Variants in PPM1L observed in about 807,000 individuals in gnomAD.
PPM1L encodes protein phosphatase 1L.
A neutral mutation model predicts 31.4 loss-of-function variants in PPM1L; 13 were observed. The observed-to-expected ratio is 0.41, with a 90% confidence interval of 0.27 to 0.66. The LOEUF is 0.66. Ranked by LOEUF, PPM1L falls within the 30% of genes least tolerant of loss-of-function variation. The probability of loss-of-function intolerance (pLI) is 0.29; values close to 1 mark genes in which losing one functional copy is unlikely to be tolerated. For missense variants in PPM1L, 326 were observed against 453.7 expected, an observed-to-expected ratio of 0.72 and a Z score of 2.56; for synonymous variants, 184 against 175.4, an observed-to-expected ratio of 1.05 and a Z score of -0.39.
chr3:160,904,512 T>A (rs543274372), intron 1 of PPM1L, among the ~76,000 whole-genome samples: 5 of 152,296 alleles, frequency 3.3e-5, no homozygotes, highest in African/African-American at 1.2e-4. Flanking sequence ...AATTTGAATG[T>A]CCAAGTGTGG....
rs1719821090 is a variant in PPM1L at position 161,068,791 on chromosome 3, G to C, written c.737-20G>C. On this transcript the variant is annotated intron_variant, in intron 3 of 3. Transcript: ENST00000498165. ...GAGATATCAGCTGGTCAAACTAATG[G>C]GCTCATCCTGTCTTTCTAGGTGGTT... 10 of 1,585,772 alleles carry C rather than the reference G, an allele frequency of 6.3e-6. No homozygotes were observed. The highest frequency in any genetic ancestry group is 6.9e-6 in the Non-Finnish European group (8 of 1,163,588).
intron 1 of PPM1L, among the ~76,000 whole-genome samples, chr3:160,824,369 G>C (rs574657640): frequency 1.3e-5 from 2 of 152,222 alleles, no homozygotes; most frequent in Admixed American, 6.5e-5. Context: ...CCTGCCTATG[G>C]TACTTTGTTA....
At chr3:160,982,107 A>T (rs568374016) in intron 2 of PPM1L, among the ~76,000 whole-genome samples, 3 of 152,240 alleles carry the variant, frequency 2.0e-5, no homozygotes, top group African/African-American at 7.2e-5. Context: ...CATTTCTTGG[A>T]AGTCCAAAGC....
Position 160,812,848 on chromosome 3 carries a change from G to T in PPM1L, c.399+56141G>T, listed in dbSNP as rs139219875. On this transcript the variant is annotated intron_variant, in intron 1 of 3. Coordinates refer to ENST00000498165, the MANE Select transcript of PPM1L (RefSeq NM_139245.4). ...GGTTCTACACCGCTAGTACATGGCT[G>T]CATTTAGCAGGAAAGTGAAGAAGCC... Among the ~76,000 whole-genome samples the T allele has an allele frequency of 2.7e-3, 414 of 152,324 alleles. 1 individual carries two copies. Among genetic ancestry groups the T allele is most frequent in the African/African-American group, 9.6e-3 (399 of 41,568 alleles).
At chr3:160,835,276 A>G (rs1209922313) in intron 1 of PPM1L, among the ~76,000 whole-genome samples, 1 of 148,358 alleles carries the variant, frequency 6.7e-6, no homozygotes, top group Admixed American at 6.9e-5. Context: ...AACGCATTGT[A>G]TAGTGGTCAG....
intron 1 of PPM1L, among the ~76,000 whole-genome samples, chr3:160,903,960 A>C (rs990588747): frequency 6.6e-6 from 1 of 152,072 alleles, no homozygotes; most frequent in Non-Finnish European, 1.5e-5. Flanking sequence ...CCTTCCATCC[A>C]TTTATCCATC....
intron 2 of PPM1L, among the ~76,000 whole-genome samples, chr3:161,008,020 C>G (rs1306292270): frequency 6.6e-6 from 1 of 152,178 alleles, no homozygotes; most frequent in East Asian, 1.9e-4. Flanking sequence ...TTCCTGCCCT[C>G]CTGGCTCTGG....
In PPM1L at chr3:160,948,574, G is replaced by T. The variant is rs146830695; in HGVS notation, c.400-13162G>T. ...TGGCCTGTTTTACGCAGCTTGCTGA[G>T]ATTTGCCTGATTGCCCACAAGCTGT... On this transcript the variant is annotated intron_variant, in intron 1 of 3. Transcript: ENST00000498165. Among the ~76,000 whole-genome samples the T allele has an allele frequency of 4.9e-3, 748 of 152,232 alleles. 5 individuals carry two copies. Among genetic ancestry groups the T allele is most frequent in the Middle Eastern group, 0.024 (7 of 294 alleles).
intron 1 of PPM1L, among the ~76,000 whole-genome samples, chr3:160,912,777 C>T (rs906394000): frequency 1.4e-4 from 21 of 152,088 alleles, no homozygotes; most frequent in African/African-American, 4.1e-4. Flanking sequence ...AAGTTTAGAG[C>T]ATTGCTATAG....
chr3:160,791,859 A>G (rs1250286521), intron 1 of PPM1L, among the ~76,000 whole-genome samples: 1 of 152,178 alleles, frequency 6.6e-6, no homozygotes, highest in Non-Finnish European at 1.5e-5. Context: ...CAGTCTAGGC[A>G]GAGGGACGCT....
intron 1 of PPM1L, among the ~76,000 whole-genome samples, chr3:160,779,715 A>G (rs1711682144): frequency 6.7e-6 from 1 of 150,236 alleles, no homozygotes. Flanking sequence ...TTTTTTTAGT[A>G]GAGACGGAGT....
chr3:160,866,761 A>G (rs1397930251), intron 1 of PPM1L, among the ~76,000 whole-genome samples: 1 of 152,358 alleles, frequency 6.6e-6, no homozygotes, highest in East Asian at 1.9e-4. Context: ...AGCAATGAAT[A>G]TGACATCTGA....
At chr3:160,994,424 C>G (rs183920988) in intron 2 of PPM1L, among the ~76,000 whole-genome samples, 1 of 152,298 alleles carries the variant, frequency 6.6e-6, no homozygotes, top group Admixed American at 6.5e-5. Context: ...CCCCAGTGAT[C>G]TTCACCTGGC....
At chr3:160,998,325 C>A (rs1163789983) in intron 2 of PPM1L, among the ~76,000 whole-genome samples, 1 of 152,186 alleles carries the variant, frequency 6.6e-6, no homozygotes, top group African/African-American at 2.4e-5. Flanking sequence ...CTGTGTCTCA[C>A]TAGTTGTTAA....
At chr3:160,890,545 A>G (rs117707492) in intron 1 of PPM1L, among the ~76,000 whole-genome samples, 3,597 of 152,358 alleles carry the variant, frequency 0.024, 78 homozygotes, top group Middle Eastern at 0.034. Flanking sequence ...GAAAATGGCC[A>G]TAGTGCCCAA....
At position 160,917,383 on chromosome 3, in the gene PPM1L, C is replaced by T. The variant is rs1047869262; in HGVS notation, c.400-44353C>T. 1.1e-3 allele frequency among the ~76,000 whole-genome samples: 160 copies of T among 151,128 alleles called. 2 individuals carry two copies. The highest frequency in any genetic ancestry group is 3.9e-3 in the African/African-American group (159 of 40,430). On this transcript the variant is annotated intron_variant, in intron 1 of 3. Transcript: ENST00000498165. Reference sequence around the variant, plus strand: ...TGACAGGTCAGTGAAAGTGTTTCAACTTTTAGAAATTGTTGACTTTCCAGG... The same window carrying T: ...TGACAGGTCAGTGAAAGTGTTTCAATTTTTAGAAATTGTTGACTTTCCAGG...
chr3:160,797,122 A>G (rs1160280146), intron 1 of PPM1L, among the ~76,000 whole-genome samples: 1 of 152,154 alleles, frequency 6.6e-6, no homozygotes, highest in Admixed American at 6.5e-5. Context: ...ATGTTGAGCA[A>G]GATTATTGGC....
intron 2 of PPM1L, among the ~76,000 whole-genome samples, chr3:160,976,063 A>G (rs1191278198): frequency 8.6e-6 from 1 of 116,466 alleles, no homozygotes; most frequent in Non-Finnish European, 1.7e-5. Context: ...TACCTAATTT[A>G]TTGAGAGTTT....
intron 1 of PPM1L, among the ~76,000 whole-genome samples, chr3:160,815,671 A>G (rs970627235): frequency 1.2e-4 from 18 of 152,208 alleles, no homozygotes; most frequent in African/African-American, 3.6e-4. Flanking sequence ...ATCATAATAT[A>G]GTATCTATCA....
Sources: allele counts gnomAD v4.1 joint callset (sites outside exome capture counted in the v4.1 genomes callset), GRCh38; gene constraint gnomAD v4.1.1; transcripts MANE v1.5; gene names NCBI Gene and HGNC (gene_info 2026-07-23, HGNC 2026-07-21).